The following ZNF69 variants were observed in gnomAD, a reference collection of about 807,000 sequenced individuals.
The protein encoded by ZNF69 is zinc finger protein 69.
ZNF69 carries 47 observed loss-of-function variants against 50.9 expected under a neutral mutation model. The ratio of observed to expected loss-of-function variants is 0.92; its 90% confidence interval spans 0.73 to 1.18. ZNF69 has a LOEUF of 1.18. Among genes scored for constraint, ZNF69 ranks in the 50% most tolerant of loss-of-function variants. ZNF69 has a pLI of 0.00. For synonymous variants in ZNF69, 216 were observed against 223.1 expected, an observed-to-expected ratio of 0.97 and a Z score of 0.29; for missense variants, 717 against 675.1, an observed-to-expected ratio of 1.06 and a Z score of -0.69.
At chr19:11,910,227 A>G (rs1271350209), downstream of ZNF69, among the ~76,000 whole-genome samples, 6 of 152,320 alleles carry the variant, frequency 3.9e-5, no homozygotes, top group East Asian at 1.9e-4. Flanking sequence ...AATCAATATC[A>G]TGAAAATGGC....
the ZNF69 span, among the ~76,000 whole-genome samples, chr19:11,935,531 T>G: frequency 1.3e-5 from 2 of 151,970 alleles, no homozygotes; most frequent in Admixed American, 1.3e-4. Context: ...TGTGCCTGGC[T>G]TTTTGCTTCT....
the ZNF69 span, among the ~76,000 whole-genome samples, chr19:11,969,282 T>A: frequency 6.6e-6 from 1 of 152,282 alleles, no homozygotes; most frequent in Non-Finnish European, 1.5e-5. Flanking sequence ...TTTTTCTATT[T>A]TTAGTAAAGA....
the ZNF69 span, chr19:11,979,660 T>G: frequency 2.5e-6 from 4 of 1,604,720 alleles, no homozygotes; most frequent in Non-Finnish European, 3.4e-6. Flanking sequence ...CCTTCAGATC[T>G]GCCTCAATCC....
At chr19:11,933,887 C>T in the ZNF69 span, among the ~76,000 whole-genome samples, 1 of 146,298 alleles carries the variant, frequency 6.8e-6, no homozygotes, top group Non-Finnish European at 1.5e-5. Context: ...TTGTTAGAGA[C>T]AGGGTCTCAA....
chr19:11,970,680 C>T, the ZNF69 span, among the ~76,000 whole-genome samples: 1 of 152,160 alleles, frequency 6.6e-6, no homozygotes, highest in Non-Finnish European at 1.5e-5. Flanking sequence ...TGCAGTGGCT[C>T]ACACACTTTG....
chr19:11,963,227 C>T, the ZNF69 span, among the ~76,000 whole-genome samples: 1 of 152,158 alleles, frequency 6.6e-6, no homozygotes, highest in African/African-American at 2.4e-5. Context: ...CTAGCTGAGA[C>T]TATAGGTACA....
intron 4 of ZNF69, chr19:11,913,362 A>C: frequency 1.7e-6 from 1 of 596,722 alleles, no homozygotes; most frequent in Non-Finnish European, 3.0e-6. Flanking sequence ...TTATGTACTT[A>C]CATTTTTATC....
chr19:11,930,632 C>G, the ZNF69 span, among the ~76,000 whole-genome samples: 1 of 148,472 alleles, frequency 6.7e-6, no homozygotes, highest in Non-Finnish European at 1.5e-5. Context: ...TTTGTCCCTG[C>G]TTTTTCTGTT....
chr19:11,934,839 C>A, the ZNF69 span, among the ~76,000 whole-genome samples: 1 of 147,486 alleles, frequency 6.8e-6, no homozygotes, highest in African/African-American at 2.7e-5. Flanking sequence ...TTTCATTTCG[C>A]TCTTTAATGA....
At chr19:11,928,731 CAAAAAAAAAAAA>C in the ZNF69 span, among the ~76,000 whole-genome samples, 2 of 53,438 alleles carry the variant, frequency 3.7e-5, no homozygotes, top group East Asian at 1.2e-3. Context: ...GACTCCGTCT[CAAAAAAAAAAAA>C]AAAAAAAAGA....
the ZNF69 span, among the ~76,000 whole-genome samples, chr19:11,934,673 TG>T: frequency 6.8e-6 from 1 of 147,356 alleles, no homozygotes; most frequent in South Asian, 2.1e-4. Context: ...ATTACAGGCG[TG>T]CGCTGCCTCT....
At chr19:11,933,223 G>A in the ZNF69 span, among the ~76,000 whole-genome samples, 1 of 145,282 alleles carries the variant, frequency 6.9e-6, no homozygotes. Flanking sequence ...TTGGAGGCCA[G>A]CCTAGGCAAC....
At chr19:11,969,266 G>A in the ZNF69 span, among the ~76,000 whole-genome samples, 2 of 152,064 alleles carry the variant, frequency 1.3e-5, no homozygotes, top group African/African-American at 2.4e-5. Context: ...CACCACACTC[G>A]GCTAATTTTT....
chr19:11,944,196 C>T, the ZNF69 span, among the ~76,000 whole-genome samples: 3 of 152,204 alleles, frequency 2.0e-5, no homozygotes, highest in South Asian at 2.1e-4. Context: ...CTGTAGCTGT[C>T]GCTGTAACTT....
At chr19:11,951,400 C>T in the ZNF69 span, among the ~76,000 whole-genome samples, 4 of 151,560 alleles carry the variant, frequency 2.6e-5, no homozygotes, top group South Asian at 4.2e-4. Context: ...AGCTAGTATT[C>T]GTATTTTTTT....
the ZNF69 span, among the ~76,000 whole-genome samples, chr19:11,922,672 C>CT: frequency 2.5e-3 from 383 of 151,646 alleles, no homozygotes; most frequent in East Asian, 0.011. Context: ...GGAGGTCATC[C>CT]GCCTGGTAAA....
the ZNF69 span, among the ~76,000 whole-genome samples, chr19:11,974,069 T>TTTTCTTTCTTTCTTTTC: frequency 3.3e-4 from 38 of 114,848 alleles, no homozygotes; most frequent in African/African-American, 1.1e-3. Context: ...TCCTTCTTTC[T>TTTTCTTTCTTTCTTTTC]TTTCTTTCTT....
the ZNF69 span, chr19:11,965,312 A>G: frequency 3.9e-6 from 6 of 1,535,928 alleles, no homozygotes; most frequent in Non-Finnish European, 5.3e-6. Context: ...GGGCGACTCC[A>G]GGGTCTGGGA....
At chr19:11,979,090 T>C in the ZNF69 span, 1 of 1,614,022 alleles carries the variant, frequency 6.2e-7, no homozygotes, top group Non-Finnish European at 8.5e-7. Flanking sequence ...AAGAATGCGC[T>C]CTGGAGAAAG....
Sources: gnomAD v4.1 joint callset for allele counts (sites outside exome capture counted in the v4.1 genomes callset) on GRCh38, gnomAD v4.1.1 for gene constraint, MANE v1.5 for transcripts, NCBI Gene and HGNC (gene_info 2026-07-23, HGNC 2026-07-21) for gene names.